The following PTPRN2 variants were observed in gnomAD, a reference collection of about 807,000 sequenced individuals.
PTPRN2 encodes receptor-type tyrosine-protein phosphatase N2.
PTPRN2 carries 74 observed loss-of-function variants against 118.8 expected under a neutral mutation model. The observed-to-expected ratio is 0.62, with a 90% confidence interval of 0.52 to 0.76. The LOEUF (loss-of-function observed/expected upper bound fraction) is 0.76. PTPRN2 is among the 30% of genes least tolerant of loss of function. PTPRN2 has a pLI of 0.00. For missense variants in PTPRN2, 1,481 were observed against 1,394.4 expected (o/e 1.06, Z -0.99); for synonymous variants, 641 against 608.0 (o/e 1.05, Z -0.80).
At chr7:157,595,413 C>G in intron 16 of PTPRN2, 98 bp from the exon 17 acceptor site, 2 of 1,164,396 alleles carry the variant, frequency 1.7e-6, no homozygotes, top group East Asian at 4.7e-5. Flanking sequence ...GTTAGGAAAC[C>G]CGGAGGTTAG....
At chr7:157,822,656 A>G (rs1369767628) in intron 12 of PTPRN2, among the ~76,000 whole-genome samples, 2 of 151,078 alleles carry the variant, frequency 1.3e-5, no homozygotes, top group African/African-American at 4.9e-5. Flanking sequence ...CTACCCATCC[A>G]CTCACCATGC....
chr7:157,968,515 C>T (rs1563283159), intron 11 of PTPRN2, among the ~76,000 whole-genome samples: 1 of 152,176 alleles, frequency 6.6e-6, no homozygotes, highest in African/African-American at 2.4e-5. Flanking sequence ...TGGATGTGAA[C>T]CAGCCTCCTT....
intron 6 of PTPRN2, among the ~76,000 whole-genome samples, chr7:158,160,680 C>A (rs964581885): frequency 6.6e-6 from 1 of 152,172 alleles, no homozygotes; most frequent in African/African-American, 2.4e-5. Context: ...ATTTCAGATG[C>A]CTGCAGTTAT....
intron 3 of PTPRN2, 64 bp downstream of exon 3, chr7:158,316,755 G>T: frequency 8.0e-7 from 1 of 1,257,238 alleles, no homozygotes; most frequent in Non-Finnish European, 1.1e-6. Context: ...CCCAGGAGGA[G>T]AAGCCAAGCC....
chr7:158,513,093 CG>C (rs1476233381), intron 1 of PTPRN2, among the ~76,000 whole-genome samples: 1 of 151,976 alleles, frequency 6.6e-6, no homozygotes, highest in African/African-American at 2.4e-5. Flanking sequence ...AAGAGGGAAG[CG>C]GGGTGAGGGG....
intron 9 of PTPRN2, among the ~76,000 whole-genome samples, chr7:158,125,529 A>C (rs1817584652): frequency 6.6e-6 from 1 of 152,110 alleles, no homozygotes; most frequent in Non-Finnish European, 1.5e-5. Context: ...CTTCTCTTCT[A>C]ATGTACAAGC....
At chr7:157,939,597 G>A (rs1799921889) in intron 11 of PTPRN2, among the ~76,000 whole-genome samples, 1 of 152,240 alleles carries the variant, frequency 6.6e-6, no homozygotes, top group South Asian at 2.1e-4. Flanking sequence ...CCATAATGTT[G>A]GGTTAGCAAA....
chr7:158,220,175 A>C (rs1237709721), intron 3 of PTPRN2, among the ~76,000 whole-genome samples: 1 of 152,116 alleles, frequency 6.6e-6, no homozygotes, highest in Non-Finnish European at 1.5e-5. Flanking sequence ...ATGCCTCAAA[A>C]TAATAAGATC....
intron 2 of PTPRN2, among the ~76,000 whole-genome samples, chr7:158,333,801 G>C (rs1392647887): frequency 2.8e-5 from 4 of 144,236 alleles, no homozygotes; most frequent in Non-Finnish European, 6.0e-5. Context: ...CACCATAAGA[G>C]CTGAGGCCCA....
intron 2 of PTPRN2, among the ~76,000 whole-genome samples, chr7:158,482,395 A>G (rs1820707175): frequency 6.6e-6 from 1 of 152,236 alleles, no homozygotes; most frequent in African/African-American, 2.4e-5. Flanking sequence ...TAAGAAATTA[A>G]CACAGTTGCC....
intron 2 of PTPRN2, among the ~76,000 whole-genome samples, chr7:158,321,037 A>T (rs1802967981): frequency 6.6e-6 from 1 of 152,138 alleles, no homozygotes; most frequent in Non-Finnish European, 1.5e-5. Flanking sequence ...CTCTATGAAC[A>T]TACTAGAGAA....
At chr7:158,351,472 C>T (rs1311733179) in intron 2 of PTPRN2, among the ~76,000 whole-genome samples, 3 of 152,152 alleles carry the variant, frequency 2.0e-5, no homozygotes, top group East Asian at 1.9e-4. Context: ...ACACAGCAGC[C>T]GACACAGTCA....
chr7:158,270,764 C>A (rs1480559770), intron 3 of PTPRN2, among the ~76,000 whole-genome samples: 1 of 145,684 alleles, frequency 6.9e-6, no homozygotes, highest in Admixed American at 6.8e-5. Flanking sequence ...CCACCTGGAC[C>A]ACCCCGTCCA....
intron 2 of PTPRN2, among the ~76,000 whole-genome samples, chr7:158,327,348 C>A (rs1017946832): frequency 6.7e-6 from 1 of 149,770 alleles, no homozygotes. Flanking sequence ...CACACATGCT[C>A]ACACATGTAC....
intron 1 of PTPRN2, among the ~76,000 whole-genome samples, chr7:158,530,960 G>A (rs1287544550): frequency 2.0e-5 from 3 of 152,184 alleles, no homozygotes; most frequent in African/African-American, 7.2e-5. Flanking sequence ...GTAAGCATGT[G>A]TACGGATGTA....
At chr7:158,137,790 G>A (rs1818965269) in intron 7 of PTPRN2, among the ~76,000 whole-genome samples, 1 of 152,182 alleles carries the variant, frequency 6.6e-6, no homozygotes, top group South Asian at 2.1e-4. Flanking sequence ...GCAGCTCCAC[G>A]CTGTGAGAAG....
At chr7:158,313,007 G>GGT (rs1801991878) in intron 3 of PTPRN2, among the ~76,000 whole-genome samples, 1 of 151,106 alleles carries the variant, frequency 6.6e-6, no homozygotes, top group African/African-American at 2.4e-5. Flanking sequence ...TGAGTGTGCA[G>GGT]GTGTGTGCGT....
In PTPRN2 at chr7:157,785,525, C is replaced by T. The variant is rs992788571; in HGVS notation, c.1789-102588G>A. Among the ~76,000 whole-genome samples, 2 of 152,208 alleles carry T rather than the reference C, an allele frequency of 1.3e-5. No individual in the cohort carries two copies. Among genetic ancestry groups the T allele is most frequent in the Non-Finnish European group, 2.9e-5 (2 of 68,034 alleles). ...CTCCCCAGGACCAGAGCGCCTGCGACCTGCCTGGGTGCCATCCGCAAACCT... is the reference window on the plus strand; with the variant it reads ...CTCCCCAGGACCAGAGCGCCTGCGATCTGCCTGGGTGCCATCCGCAAACCT... On this transcript the variant is annotated intron_variant, in intron 12 of 22. Transcript: ENST00000389418. The surrounding 1 kb of genome is among the most constrained non-coding windows in gnomAD (Gnocchi z 7.3).
At chr7:158,476,667 C>T (rs1034198076) in intron 2 of PTPRN2, among the ~76,000 whole-genome samples, 1 of 152,250 alleles carries the variant, frequency 6.6e-6, no homozygotes, top group African/African-American at 2.4e-5. Flanking sequence ...CCTGAGGCTG[C>T]CAGGCAGCCT....
Sources: allele counts gnomAD v4.1 joint callset (sites outside exome capture counted in the v4.1 genomes callset), GRCh38; gene constraint gnomAD v4.1.1; non-coding constraint Gnocchi (gnomAD v3.1); transcripts MANE v1.5; gene names NCBI Gene and HGNC (gene_info 2026-07-23, HGNC 2026-07-21).